NBEAL2: variants seen among roughly 807,000 people sequenced by gnomAD.
NBEAL2 encodes neurobeachin-like protein 2.
A neutral mutation model predicts 299.8 loss-of-function variants in NBEAL2; 160 were observed. The ratio of observed to expected loss-of-function variants is 0.53; its 90% CI spans 0.47 to 0.61. NBEAL2 has a LOEUF of 0.61. NBEAL2 is among the 20% of genes least tolerant of loss of function. The probability of loss-of-function intolerance (pLI) is 0.00; values close to 1 mark genes in which losing one functional copy is unlikely to be tolerated. For synonymous variants in NBEAL2, 1,493 were observed against 1,542.3 expected (o/e 0.97, Z 0.75); for missense variants, 3,112 against 3,649.0 (o/e 0.85, Z 3.79).
In NBEAL2 at chr3:46,995,400, C is replaced by A; in HGVS notation, c.1665C>A (p.Ala555=). 1 of 1,612,730 alleles carries A rather than the reference C, an allele frequency of 6.2e-7. No homozygotes were observed. Among genetic ancestry groups the A allele is most frequent in the Non-Finnish European group, 8.5e-7 (1 of 1,179,856 alleles). ...SEPGGAEAGK[A]RHAGAVIRTL... ...CAGGCGGAGCTGAGGCTGGAAAGGC[C>A]CGACACGCAGGTGCTGTCATCCGCA... Residue 555 remains alanine (A), a synonymous_variant, in exon 13 of 54, where the codon GCC becomes GCA. Transcript: ENST00000450053.
At position 46,988,754 on chromosome 3, in the gene NBEAL2, G is replaced by A. The variant is rs367925183; in HGVS notation, c.137G>A (p.Arg46Gln). The A allele has an allele frequency of 1.7e-5, 28 of 1,613,164 alleles. No individual in the cohort carries two copies. Among genetic ancestry groups the A allele is most frequent in the East Asian group, 8.9e-5 (4 of 44,840 alleles). The change falls in exon 2 of 54, where the codon CGA (arginine) becomes CAA (glutamine). Residue 46 changes from arginine to glutamine, a missense_variant. Arg to Gln is a conservative substitution (Grantham distance 43, BLOSUM62 1). Around this residue, in one of 3 missense-constraint regions of NBEAL2, gnomAD observed 2,243 missense variants for 2,538.1 expected, o/e 0.88. Coordinates refer to ENST00000450053, the MANE Select transcript of NBEAL2 (RefSeq NM_015175.3). The surrounding 1 kb of genome is among the most constrained non-coding windows in gnomAD (Gnocchi z 4.4). ...ATCTCACTGTCCTCTCTGGAGCCACGAAGGTGAGGCTGGATCTGCACTGAG... is the reference window on the plus strand; with the variant it reads ...ATCTCACTGTCCTCTCTGGAGCCACAAAGGTGAGGCTGGATCTGCACTGAG... ...KSISLSSLEPRRPEEAGAEVP... is the reference protein window; with the variant it reads ...KSISLSSLEPQRPEEAGAEVP...
chr3:46,984,152 A>ATAC (rs2035540283), intron 1 of NBEAL2, among the ~76,000 whole-genome samples: 1 of 149,748 alleles, frequency 6.7e-6, no homozygotes. Flanking sequence ...AAAAAAAAAA[A>ATAC]AAAATTAGCC....
chr3:46,992,280 C>T (rs1296504926), intron 9 of NBEAL2, among the ~76,000 whole-genome samples, 195 bp from the exon 10 acceptor site: 1 of 152,200 alleles, frequency 6.6e-6, no homozygotes, highest in East Asian at 1.9e-4. Context: ...CTTTCAGATG[C>T]AGTGCCTGCT....
rs1322891814 is a variant in NBEAL2 at position 47,004,400 on chromosome 3, G to T, written c.6198+7G>T. 1 of 1,589,106 alleles carries T rather than the reference G, an allele frequency of 6.3e-7. No individual in the cohort carries two copies. Among genetic ancestry groups the T allele is most frequent in the South Asian group, 1.2e-5 (1 of 86,944 alleles). On this transcript the variant is annotated splice_region_variant and intron_variant, in intron 37 of 53. Coordinates refer to ENST00000450053, the MANE Select transcript of NBEAL2 (RefSeq NM_015175.3). This position sits in a 1 kb window ranked among gnomAD's most constrained non-coding sequence, Gnocchi z 5.0. ...TGCCTCAGGCCTTACCCAGGTGAGAGCCCTGGGTGTGAGGGATGTGAAGTC... is the reference window on the plus strand; with the variant it reads ...TGCCTCAGGCCTTACCCAGGTGAGATCCCTGGGTGTGAGGGATGTGAAGTC...
chr3:46,980,401 A>C (rs1246363547), intron 1 of NBEAL2, among the ~76,000 whole-genome samples: 1 of 151,926 alleles, frequency 6.6e-6, no homozygotes, highest in Non-Finnish European at 1.5e-5. Context: ...AGGTGTGTGG[A>C]AGGGGAATGC....
In NBEAL2 at chr3:46,991,154, C is replaced by T; in HGVS notation, c.557-65C>T. On this transcript the variant is annotated intron_variant, in intron 6 of 53. Coordinates refer to ENST00000450053, the MANE Select transcript of NBEAL2 (RefSeq NM_015175.3). The surrounding 1 kb of genome is among the most constrained non-coding windows in gnomAD (Gnocchi z 6.2). The stretch of plus-strand genomic sequence containing the variant: ...CACCCCAGGGCACTCACCTCTTGTG[C>T]AGCCCCCTGGGTCCATAGCCCTGCA... The T allele has an allele frequency of 2.1e-6, 3 of 1,412,464 alleles. No homozygotes were observed. Among genetic ancestry groups the T allele is most frequent in the Admixed American group, 3.9e-5 (2 of 51,250 alleles). The allele number at this position is 1,412,464 out of a possible 1,614,324, so 87.5% of individuals were successfully genotyped here. A position where few individuals can be genotyped will look rare whatever the true frequency, so the allele number is the denominator to read the frequency against.
chr3:47,000,890 C>G lies in NBEAL2; in HGVS notation c.4306-111C>G. On this transcript the variant is annotated intron_variant, in intron 27 of 53. Transcript: ENST00000450053. The surrounding 1 kb of genome is among the most constrained non-coding windows in gnomAD (Gnocchi z 4.5). ...TCACTGTTAGCCAAATGCTCTGACT[C>G]CTGGGTGGCTACCCCAGGAGGGGTG... 2.7e-6 allele frequency: 4 copies of G among 1,475,830 alleles called. No individual in the cohort carries two copies. The highest frequency in any genetic ancestry group is 2.3e-4 in the Middle Eastern group (1 of 4,384). The allele number at this position is 1,475,830 out of a possible 1,614,324, so 91.4% of individuals were successfully genotyped here. A position where few individuals can be genotyped will look rare whatever the true frequency, so the allele number is the denominator to read the frequency against.
At chr3:46,992,114 C>T (rs1676925078) in intron 9 of NBEAL2, among the ~76,000 whole-genome samples, 168 bp downstream of exon 9, 1 of 152,140 alleles carries the variant, frequency 6.6e-6, no homozygotes, top group Admixed American at 6.5e-5. Context: ...TGGACAAGGG[C>T]CCATCCCTTG....
chr3:46,994,394 G>A (rs1274131972), intron 11 of NBEAL2, 61 bp from the exon 12 acceptor site: 2 of 1,452,342 alleles, frequency 1.4e-6, no homozygotes, highest in African/African-American at 1.4e-5. Flanking sequence ...TTTCCAGGGG[G>A]TCTGAGTTTG....
At chr3:46,999,792 A>G (rs1193167197) in intron 26 of NBEAL2, 77 bp downstream of exon 26, 1 of 1,591,648 alleles carries the variant, frequency 6.3e-7, no homozygotes, top group Non-Finnish European at 8.6e-7. Context: ...TGCCTGTCTC[A>G]TGAGGGGTCT....
At position 46,998,788 on chromosome 3, in the gene NBEAL2, G is replaced by A. The variant is rs1011714920; in HGVS notation, c.3293G>A (p.Arg1098Lys). 4.5e-6 allele frequency: 7 copies of A among 1,566,690 alleles called. No homozygotes were observed. The highest frequency in any genetic ancestry group is 1.4e-5 in the African/African-American group (1 of 73,938). ...CAGACCTCCCTCCTGGGCCTGGCGA[G>A]GGAGTTCCTGGTGCGGAGTCTCTCA... ...TVQTSLLGLA[R>K]EFLVRSLSAD... is the part of the protein sequence containing the mutation. Residue 1098 changes from arginine (R) to lysine (K), a missense_variant, in exon 23 of 54, where the codon AGG (arginine) becomes AAG (lysine). This residue lies in a region of NBEAL2 where 2,243 missense variants were observed against 2,538.1 expected (regional missense o/e 0.88). Coordinates refer to ENST00000450053, the MANE Select transcript of NBEAL2 (RefSeq NM_015175.3).
Position 47,006,429 on chromosome 3 carries a change from C to T in NBEAL2, c.7114C>T (p.Leu2372Phe), listed in dbSNP as rs1333066666. The T allele has an allele frequency of 1.9e-5, 30 of 1,586,996 alleles. No individual in the cohort carries two copies. The highest frequency in any genetic ancestry group is 2.7e-5 in the African/African-American group (2 of 74,342). The change falls in exon 45 of 54, where the codon CTC becomes TTC. Residue 2372 changes from leucine (L) to phenylalanine (F), a missense_variant. By Grantham distance (22) the Leu-to-Phe change is conservative. Around this residue, in one of 3 missense-constraint regions of NBEAL2, gnomAD observed 521 missense variants for 729.6 expected, o/e 0.71. Transcript: ENST00000450053. ...TAGCATCTTCCAGCACCTGGACGAA[C>T]TCAAGGCATTCTTCGCAGAGGTGAA... ...SPSIFQHLDE[L>F]KAFFAEVVSD...
Position 47,005,621 on chromosome 3 carries a change from T to C in NBEAL2, c.6691+2T>C. 1 of 1,613,612 alleles carries C rather than the reference T, an allele frequency of 6.2e-7. No homozygotes were observed. On this transcript the variant is annotated splice_donor_variant, in intron 41 of 53. Coordinates refer to ENST00000450053, the MANE Select transcript of NBEAL2 (RefSeq NM_015175.3). LOFTEE classifies it high-confidence loss of function. ...CTGACTTCCTGGAGAACCAGAACGG[T>C]AGGTGTGAGGTGCTCACACTGGAGC...
Position 46,999,655 on chromosome 3 carries a change from G to A in NBEAL2, c.3729G>A (p.Leu1243=), listed in dbSNP as rs1405700726. 13 of 1,613,084 alleles carry A rather than the reference G, an allele frequency of 8.1e-6. No homozygotes were observed. In the Admixed American group the frequency reaches 2.2e-4, roughly 27 times the overall value. ...GADCLNLSDL[L]AVVQLSLQAD... is the part of the protein sequence containing the mutation. The stretch of plus-strand genomic sequence containing the variant: ...ATTGCCTGAACCTCTCAGATCTGCT[G>A]GCTGTGGTACAGCTGTCCCTCCAGG... Residue 1243 remains leucine, a synonymous_variant, in exon 26 of 54, where the codon CTG becomes CTA. Transcript: ENST00000450053.
At position 46,989,653 on chromosome 3, in the gene NBEAL2, G is replaced by T. The variant is rs559872924; in HGVS notation, c.556+60G>T. On this transcript the variant is annotated intron_variant, in intron 6 of 53. Transcript: ENST00000450053. The surrounding 1 kb of genome is among the most constrained non-coding windows in gnomAD (Gnocchi z 5.5). ...CCCCAAACCTAGGCCCCTTCCTGTC[G>T]TTCCTTGATCCTGCCATACACAGGA... 1 of 1,447,742 alleles carries T rather than the reference G, an allele frequency of 6.9e-7. No homozygotes were observed. Among genetic ancestry groups the T allele is most frequent in the Non-Finnish European group, 9.5e-7 (1 of 1,054,264 alleles). The allele number at this position is 1,447,742 out of a possible 1,614,324, so 89.7% of individuals were successfully genotyped here. A position where few individuals can be genotyped will look rare whatever the true frequency, so the allele number is the denominator to read the frequency against.
chr3:46,998,947 C>T lies in NBEAL2; in HGVS notation c.3385-12C>T. ...TGGGGGCCCGACACAGTGTGAGACC[C>T]TGCATCCCCAGGCGGTGGGTGCGCT... On this transcript the variant is annotated splice_polypyrimidine_tract_variant and intron_variant, in intron 23 of 53. Coordinates refer to ENST00000450053, the MANE Select transcript of NBEAL2 (RefSeq NM_015175.3). 1.2e-6 allele frequency: 2 copies of T among 1,605,098 alleles called. No individual in the cohort carries two copies. The highest frequency in any genetic ancestry group is 1.7e-6 in the Non-Finnish European group (2 of 1,176,016).
chr3:46,997,151 C>T, intron 18 of NBEAL2, 105 bp downstream of exon 18: 1 of 1,553,210 alleles, frequency 6.4e-7, no homozygotes, highest in African/African-American at 1.4e-5. Flanking sequence ...AGGATTTGGA[C>T]AGTCCAGCTC....
chr3:46,991,097 A>T lies in NBEAL2; in HGVS notation c.557-122A>T, dbSNP rs1388280762. 1.2e-6 allele frequency: 1 copy of T among 807,568 alleles called. No homozygotes were observed. The highest frequency in any genetic ancestry group is 2.1e-6 in the Non-Finnish European group (1 of 484,692). 50.0% of individuals were successfully genotyped at this position (807,568 alleles called of 1,614,324 possible). Reference sequence around the variant, plus strand: ...AGCCAGCTCTTATCCCTCACACTGGATCTTTTACTTGGCCCAGCTCCCTCT... The same window carrying T: ...AGCCAGCTCTTATCCCTCACACTGGTTCTTTTACTTGGCCCAGCTCCCTCT... On this transcript the variant is annotated intron_variant, in intron 6 of 53. Transcript: ENST00000450053. This position sits in a 1 kb window ranked among gnomAD's most constrained non-coding sequence, Gnocchi z 6.2.
intron 49 of NBEAL2, 56 bp from the exon 50 acceptor site, chr3:47,008,014 G>A: frequency 1.3e-6 from 2 of 1,592,096 alleles, no homozygotes; most frequent in Non-Finnish European, 1.7e-6. Flanking sequence ...CTTGGACAAG[G>A]CCTTCATTTC....
Sources: allele counts gnomAD v4.1 joint callset (sites outside exome capture counted in the v4.1 genomes callset), GRCh38; gene constraint gnomAD v4.1.1; regional missense constraint gnomAD v4.1.1; non-coding constraint Gnocchi (gnomAD v3.1); transcripts MANE v1.5; gene names NCBI Gene and HGNC (gene_info 2026-07-23, HGNC 2026-07-21).